FGFR2: variants seen among roughly 807,000 people sequenced by gnomAD.
FGFR2 encodes fibroblast growth factor receptor 2.
In FGFR2, 19 loss-of-function variants were observed where a neutral mutation model predicts 95.9. The observed-to-expected ratio is 0.20, with a 90% CI of 0.14 to 0.29. The LOEUF (loss-of-function observed/expected upper bound fraction) is 0.29. Ranked by LOEUF, FGFR2 falls within the 10% of genes least tolerant of loss-of-function variation. FGFR2 has a pLI of 1.00. For missense variants in FGFR2, 707 were observed against 1,056.9 expected (o/e 0.67, Z 4.59); for synonymous variants, 392 against 393.3 (o/e 1.00, Z 0.04).
At chr10:121,480,102 G>T in intron 17 of FGFR2, 81 bp from the exon 18 acceptor site, 1 of 1,319,422 alleles carries the variant, frequency 7.6e-7, no homozygotes, top group Non-Finnish European at 1.1e-6. Context: ...GCTGACTGAG[G>T]TCCAAGTATT....
rs191335152 is a variant in FGFR2, at chr10:121,548,236, G to A, written c.624+3054C>T. Among the ~76,000 whole-genome samples, 163 of 99,228 alleles carry A rather than the reference G, an allele frequency of 1.6e-3. 5 individuals carry two copies. The East Asian group carries it at 0.041, about 25-fold the overall frequency. 65.1% of individuals were successfully genotyped at this position (99,228 alleles called of 152,430 possible). On this transcript the variant is annotated intron_variant, in intron 5 of 17. Transcript: ENST00000358487. ...GCATCCAAATGTGTGGCCCTCTGCC[G>A]CTTTTGGCCTTTTTTTTTTTTTTTT...
In FGFR2 at chr10:121,569,377, C is replaced by T. The variant is rs547677526; in HGVS notation, c.110-3673G>A. Among the ~76,000 whole-genome samples, 28 of 152,264 alleles carry T rather than the reference C, an allele frequency of 1.8e-4. No homozygotes were observed. The South Asian group carries it at 5.8e-3, about 32-fold the overall frequency. On this transcript the variant is annotated intron_variant, in intron 2 of 17. Transcript: ENST00000358487. ...TTGGGATTACAGGCGTGCACCACCA[C>T]ACCCAGCTAACTTTTTTGTATTTTT...
intron 9 of FGFR2, among the ~76,000 whole-genome samples, chr10:121,510,349 T>C (rs1848894772): frequency 6.6e-6 from 1 of 152,070 alleles, no homozygotes. Flanking sequence ...GTCATGTCCT[T>C]TGGAGGCTGA....
intron 12 of FGFR2, among the ~76,000 whole-genome samples, chr10:121,497,639 C>T (rs1020993409): frequency 6.6e-6 from 1 of 152,198 alleles, no homozygotes; most frequent in Non-Finnish European, 1.5e-5. Context: ...TTCCCTTACA[C>T]ACGTGTGCAA....
chr10:121,564,475 G>C (rs1430891818), intron 4 of FGFR2, 27 bp downstream of exon 4: 2 of 1,600,680 alleles, frequency 1.2e-6, no homozygotes, highest in East Asian at 2.2e-5. Flanking sequence ...CTCTCTCGGG[G>C]ACCATCGGAG....
intron 3 of FGFR2, among the ~76,000 whole-genome samples, chr10:121,565,177 A>C (rs1175514319): frequency 5.5e-5 from 2 of 36,632 alleles, no homozygotes; most frequent in Non-Finnish European, 9.1e-5. Context: ...TCAGTGGTAC[A>C]AAAAAAAAAA....
chr10:121,496,979 A>G (rs918846974), intron 12 of FGFR2, among the ~76,000 whole-genome samples: 2 of 151,748 alleles, frequency 1.3e-5, no homozygotes, highest in African/African-American at 4.8e-5. Flanking sequence ...AAAAATACAA[A>G]AATTAGCTGG....
chr10:121,490,151 CTTCTTTT>C (rs1390477486), intron 13 of FGFR2, among the ~76,000 whole-genome samples: 1 of 134,678 alleles, frequency 7.4e-6, no homozygotes, highest in African/African-American at 2.7e-5. Context: ...ACGACTTTTC[CTTCTTTT>C]TTTTTTTTTT....
intron 2 of FGFR2, among the ~76,000 whole-genome samples, chr10:121,571,338 T>G (rs7922206): frequency 0.98 from 121,147 of 124,124 alleles, 59,163 homozygotes; most frequent in Middle Eastern, 1. Flanking sequence ...TCTCGCTCTC[T>G]CCCAGGCTGG....
intron 4 of FGFR2, among the ~76,000 whole-genome samples, chr10:121,554,129 A>T (rs1385161360): frequency 6.6e-6 from 1 of 152,186 alleles, no homozygotes; most frequent in Non-Finnish European, 1.5e-5. Context: ...ACAGCAGGGT[A>T]CGGGTGCAGT....
At chr10:121,597,542 C>T (rs1353276529) in intron 1 of FGFR2, among the ~76,000 whole-genome samples, 3 of 152,228 alleles carry the variant, frequency 2.0e-5, no homozygotes, top group South Asian at 2.1e-4. Context: ...CTGGATGGTA[C>T]GGAAGTTCCC....
intron 10 of FGFR2, among the ~76,000 whole-genome samples, chr10:121,502,831 A>G (rs1028426350): frequency 6.6e-6 from 1 of 152,122 alleles, no homozygotes; most frequent in African/African-American, 2.4e-5. Context: ...ACAGCCCTAC[A>G]ATGACCACTG....
intron 2 of FGFR2, among the ~76,000 whole-genome samples, chr10:121,568,214 C>T (rs186468366): frequency 6.6e-6 from 1 of 152,296 alleles, no homozygotes; most frequent in Non-Finnish European, 1.5e-5. Context: ...ATTCACTCAA[C>T]ATGAGAGCTG....
At chr10:121,525,643 G>T (rs1851264100) in intron 6 of FGFR2, among the ~76,000 whole-genome samples, 1 of 151,744 alleles carries the variant, frequency 6.6e-6, no homozygotes, top group Admixed American at 6.6e-5. Flanking sequence ...GAGAGAGAGA[G>T]AGAGGAAAAA....
intron 6 of FGFR2, among the ~76,000 whole-genome samples, chr10:121,523,332 T>C (rs1021333265): frequency 7.2e-5 from 11 of 152,244 alleles, no homozygotes; most frequent in Middle Eastern, 3.4e-3. Context: ...CTCTGGCTCA[T>C]ACAATGACCC....
intron 9 of FGFR2, among the ~76,000 whole-genome samples, chr10:121,506,788 T>C (rs1375421441): frequency 6.6e-6 from 1 of 151,834 alleles, no homozygotes; most frequent in Admixed American, 6.6e-5. Context: ...AGATTAGGAG[T>C]TGAGAGAGGG....
At chr10:121,574,426 AG>A (rs1265334017) in intron 2 of FGFR2, among the ~76,000 whole-genome samples, 2 of 152,068 alleles carry the variant, frequency 1.3e-5, no homozygotes, top group African/African-American at 4.8e-5. Context: ...CTACACGGGA[AG>A]CTGAGGCAGG....
rs1234437504 is a variant in FGFR2 at position 121,519,859 on chromosome 10, C to T, written c.939+120G>A. ...TGTTAATTCCTTAGAACACTCTCTGCTGGCTAGTCAAAAAAGAGAATCATC... is the reference window on the plus strand; with the variant it reads ...TGTTAATTCCTTAGAACACTCTCTGTTGGCTAGTCAAAAAAGAGAATCATC... On this transcript the variant is annotated intron_variant, in intron 7 of 17. Transcript: ENST00000358487. 3.3e-6 allele frequency: 3 copies of T among 907,976 alleles called. No homozygotes were observed. The African/African-American group carries it at 4.9e-5, about 15-fold the overall frequency. The allele number at this position is 907,976 out of a possible 1,614,324, so 56.2% of individuals were successfully genotyped here.
In FGFR2 at chr10:121,582,817, A is replaced by G. The variant is rs150690291; in HGVS notation, c.109+10892T>C. 2.6e-3 allele frequency among the ~76,000 whole-genome samples: 400 copies of G among 152,258 alleles called. 1 individual carries two copies. The highest frequency in any genetic ancestry group is 9.0e-3 in the African/African-American group (374 of 41,560). On this transcript the variant is annotated intron_variant, in intron 2 of 17. Transcript: ENST00000358487. Reference sequence around the variant, plus strand: ...AAGAAAAAAAAGAAAAAGGAATTCTACAACTTTCCTCCAAAACTCAACTCC... The same window carrying G: ...AAGAAAAAAAAGAAAAAGGAATTCTGCAACTTTCCTCCAAAACTCAACTCC...
Sources: allele counts gnomAD v4.1 joint callset (sites outside exome capture counted in the v4.1 genomes callset), GRCh38; gene constraint gnomAD v4.1.1; transcripts MANE v1.5; gene names NCBI Gene and HGNC (gene_info 2026-07-23, HGNC 2026-07-21).